The following TCF20 variants were observed in gnomAD, a reference collection of about 807,000 sequenced individuals.
TCF20 encodes the protein SPRE-binding protein.
TCF20 carries 3 observed loss-of-function variants against 148.6 expected under a neutral mutation model. The ratio of observed to expected loss-of-function variants is 0.02; its 90% CI spans 0.01 to 0.05. The LOEUF is 0.05. Ranked by LOEUF, TCF20 falls within the 10% of genes least tolerant of loss-of-function variation. The pLI, the probability that TCF20 is intolerant of heterozygous loss-of-function variation, is 1.00. For missense variants in TCF20, 2,350 were observed against 2,429.3 expected, an observed-to-expected ratio of 0.97 and a Z score of 0.69; for synonymous variants, 1,049 against 909.5, an observed-to-expected ratio of 1.15 and a Z score of -2.76.
intron 2 of TCF20, among the ~76,000 whole-genome samples, chr22:42,202,359 C>T (rs1269970744): frequency 6.6e-6 from 1 of 152,256 alleles, no homozygotes; most frequent in Non-Finnish European, 1.5e-5. Context: ...CACATTTAAT[C>T]CTCCTAACAT....
At chr22:42,162,886 A>G (rs997295640) in intron 5 of TCF20, among the ~76,000 whole-genome samples, 1 of 152,218 alleles carries the variant, frequency 6.6e-6, no homozygotes, top group African/African-American at 2.4e-5. Flanking sequence ...TACTTGGCAG[A>G]AAACACCAAT....
upstream of TCF20, among the ~76,000 whole-genome samples, chr22:42,273,452 C>T (rs1926697415): frequency 2.0e-5 from 3 of 147,032 alleles, no homozygotes; most frequent in African/African-American, 7.5e-5. Flanking sequence ...CACAAAAGGA[C>T]ATGAGTAGAC....
In TCF20 at chr22:42,214,153, T is replaced by C. The variant is rs772698900; in HGVS notation, c.1153A>G (p.Thr385Ala). ...CCAGTCTGCATGAGAGGAGATGGGG[T>C]AGAACTACAGCTTGGAGACTGAACC... ...SVVQSPSCSS[T>A]PSPLMQTGEN... Residue 385 changes from threonine to alanine, a missense_variant, in exon 2 of 6, where the codon ACC becomes GCC. Thr to Ala is a moderately conservative substitution (Grantham distance 58). This residue lies in a region of TCF20 where 1,641 missense variants were observed against 1,662.6 expected (regional missense o/e 0.99). Coordinates refer to ENST00000677622, the MANE Select transcript of TCF20 (RefSeq NM_001378418.1). 2 of 1,614,170 alleles carry C rather than the reference T, an allele frequency of 1.2e-6. No individual in the cohort carries two copies. The highest frequency in any genetic ancestry group is 1.7e-6 in the Non-Finnish European group (2 of 1,180,048).
At chr22:42,164,780 A>G (rs1569093526) in intron 5 of TCF20, among the ~76,000 whole-genome samples, 1 of 152,238 alleles carries the variant, frequency 6.6e-6, no homozygotes, top group Non-Finnish European at 1.5e-5. Flanking sequence ...GTAGGATTTA[A>G]GCTGAGACCC....
intron 2 of TCF20, among the ~76,000 whole-genome samples, chr22:42,190,076 C>T (rs111705190): frequency 0.054 from 8,257 of 151,998 alleles, 721 homozygotes; most frequent in African/African-American, 0.19. Context: ...TTGATTTTCT[C>T]AACAATACAT....
At chr22:42,227,002 A>G (rs1352899375) in intron 1 of TCF20, among the ~76,000 whole-genome samples, 1 of 152,054 alleles carries the variant, frequency 6.6e-6, no homozygotes, top group Non-Finnish European at 1.5e-5. Flanking sequence ...AATTTTTAAG[A>G]CTGGGCGTGG....
intron 3 of TCF20, among the ~76,000 whole-genome samples, chr22:42,175,830 T>G (rs1385125769): frequency 1.7e-4 from 25 of 151,510 alleles, no homozygotes; most frequent in Admixed American, 1.4e-3. Context: ...TGTTTTGAGA[T>G]AGGGTCTCAC....
upstream of TCF20, among the ~76,000 whole-genome samples, chr22:42,286,477 A>C (rs1428506926): frequency 6.6e-6 from 1 of 152,232 alleles, no homozygotes; most frequent in Non-Finnish European, 1.5e-5. Flanking sequence ...AAATGGGGAT[A>C]AGAATAGGAC....
chr22:42,161,375 AC>A lies in TCF20; in HGVS notation c.*45-18del. The A allele has an allele frequency of 1.2e-6, 2 of 1,614,036 alleles. No homozygotes were observed. Among genetic ancestry groups the A allele is most frequent in the South Asian group, 2.2e-5 (2 of 91,072 alleles). ...CAGTCTCACCTGGAAGACAAGGGAC[AC>A]ACAGTGAAGGCCAGGAGCCTCCACA... On this transcript the variant is annotated intron_variant, in intron 5 of 5. Coordinates refer to ENST00000677622, the MANE Select transcript of TCF20 (RefSeq NM_001378418.1).
chr22:42,334,057 T>C (rs1196654902), intron 1 of TCF20, among the ~76,000 whole-genome samples: 1 of 152,064 alleles, frequency 6.6e-6, no homozygotes, highest in Non-Finnish European at 1.5e-5. Context: ...AGGGGCTGCA[T>C]GGCCAGGTGC....
rs551949385 is a variant in TCF20, at chr22:42,240,559, GAT to G, written c.-36-25220_-36-25219del. Among the ~76,000 whole-genome samples, 3 of 152,248 alleles carry G rather than the reference GAT, an allele frequency of 2.0e-5. No homozygotes were observed. The South Asian group carries it at 6.2e-4, about 32-fold the overall frequency. ...TAACAAAAATCTAACAAGATAGTGA[GAT>G]ATTACCAAATTAATATCCTGAAAAA... On this transcript the variant is annotated intron_variant, in intron 1 of 5. Coordinates refer to ENST00000677622, the MANE Select transcript of TCF20 (RefSeq NM_001378418.1).
intron 1 of TCF20, among the ~76,000 whole-genome samples, chr22:42,225,428 C>T (rs1922790547): frequency 6.6e-6 from 1 of 151,034 alleles, no homozygotes; most frequent in African/African-American, 2.4e-5. Flanking sequence ...TCCTGGCTAA[C>T]AAGGTGAAAC....
chr22:42,271,612 C>A (rs767205390), upstream of TCF20, among the ~76,000 whole-genome samples: 1 of 152,214 alleles, frequency 6.6e-6, no homozygotes. Context: ...CTGCCCCTGA[C>A]CTTTGACCTG....
At chr22:42,289,272 C>T (rs896498760) in intron 1 of TCF20, among the ~76,000 whole-genome samples, 3 of 152,238 alleles carry the variant, frequency 2.0e-5, no homozygotes, top group Non-Finnish European at 2.9e-5. Context: ...ACAGATGGGG[C>T]CACCAGTGCT....
At chr22:42,343,527 C>T (rs887542330) in exon 1 of TCF20, 4 of 147,004 alleles carry the variant, frequency 2.7e-5, no homozygotes, top group Non-Finnish European at 4.5e-5. Context: ...GCCCGGGCAG[C>T]GGGGCCGGGC....
intron 1 of TCF20, 82 bp from the exon 2 acceptor site, chr22:42,215,423 A>G (rs1225760270): frequency 6.8e-7 from 1 of 1,468,672 alleles, no homozygotes; most frequent in Non-Finnish European, 9.0e-7. Context: ...GAGGGAATAA[A>G]GATGAATCAG....
chr22:42,290,808 C>T lies in TCF20; in HGVS notation c.-37+52671G>A, dbSNP rs1408701736. On this transcript the variant is annotated intron_variant, in intron 1 of 1. Coordinates refer to the TCF20 transcript ENST00000515426. This position sits in a 1 kb window ranked among gnomAD's most constrained non-coding sequence, Gnocchi z 4.2. ...GACGAGGTCAGCCTCCCAGAGCACA[C>T]AGGGGCCTTGGGGCAGGCCTGCTGC... Among the ~76,000 whole-genome samples the T allele has an allele frequency of 6.6e-6, 1 of 152,208 alleles. No individual in the cohort carries two copies. Among genetic ancestry groups the T allele is most frequent in the Non-Finnish European group, 1.5e-5 (1 of 68,036 alleles).
rs535811120 is a variant in TCF20 at position 42,214,427 on chromosome 22, C to T, written c.879G>A (p.Gln293=). The T allele has an allele frequency of 4.3e-6, 7 of 1,614,142 alleles. 1 individual carries two copies. The South Asian group carries it at 7.7e-5, about 18-fold the overall frequency. The change falls in exon 2 of 6, where the codon CAG becomes CAA. Residue 293 remains glutamine, a synonymous_variant. Coordinates refer to ENST00000677622, the MANE Select transcript of TCF20 (RefSeq NM_001378418.1). ...AYGTQSNYSY[Q]PQSMKNFEQA... is the part of the protein sequence containing the mutation. Reference sequence around the variant, plus strand: ...GTTCAAAATTCTTCATAGATTGAGGCTGATAGCTGTAATTGGATTGTGTTC... The same window carrying T: ...GTTCAAAATTCTTCATAGATTGAGGTTGATAGCTGTAATTGGATTGTGTTC...
At chr22:42,222,690 G>A (rs766847294) in intron 1 of TCF20, among the ~76,000 whole-genome samples, 6 of 152,130 alleles carry the variant, frequency 3.9e-5, no homozygotes, top group Non-Finnish European at 7.3e-5. Context: ...AGAGCTCTTA[G>A]AATGTGTCCT....
Sources: allele counts gnomAD v4.1 joint callset (sites outside exome capture counted in the v4.1 genomes callset), GRCh38; gene constraint gnomAD v4.1.1; regional missense constraint gnomAD v4.1.1; non-coding constraint Gnocchi (gnomAD v3.1); transcripts MANE v1.5; gene names NCBI Gene and HGNC (gene_info 2026-07-23, HGNC 2026-07-21).